Variants in ATP2C2 observed in about 807,000 individuals in gnomAD.
ATP2C2 encodes calcium-transporting ATPase type 2C member 2.
ATP2C2 carries 171 observed loss-of-function variants against 110.8 expected under a neutral mutation model. The ratio of observed to expected loss-of-function variants is 1.54; its 90% CI spans 1.36 to 1.75. ATP2C2 has a LOEUF of 1.75. ATP2C2 is among the 40% of genes most tolerant of loss of function. The probability of loss-of-function intolerance (pLI) is 0.00; values close to 1 mark genes in which losing one functional copy is unlikely to be tolerated. For synonymous variants in ATP2C2, 804 were observed against 508.4 expected, an observed-to-expected ratio of 1.58 and a Z score of -7.82; for missense variants, 1,963 against 1,235.0, an observed-to-expected ratio of 1.59 and a Z score of -8.84.
intron 11 of ATP2C2, among the ~76,000 whole-genome samples, chr16:84,434,748 C>T (rs1039453436): frequency 1.3e-5 from 2 of 151,984 alleles, no homozygotes; most frequent in Non-Finnish European, 2.9e-5. Context: ...AAACCCCTGA[C>T]CTCAAGTGTT....
In ATP2C2 at chr16:84,460,950, G is replaced by A. The variant is rs1245484094; in HGVS notation, c.2481+149G>A. The A allele has an allele frequency of 3.4e-6, 4 of 1,172,244 alleles. No individual in the cohort carries two copies. In the East Asian group the frequency reaches 1.0e-4, roughly 30 times the overall value. 72.6% of individuals were successfully genotyped at this position (1,172,244 alleles called of 1,614,324 possible). ...CAATGTGATGCCATCAGAGGCGTGG[G>A]GTGCATGAGGCAAAGGGACTGGGTG... On this transcript the variant is annotated intron_variant, in intron 24 of 26. Transcript: ENST00000262429.
chr16:84,378,201 C>G (rs962459409), intron 1 of ATP2C2, among the ~76,000 whole-genome samples: 8 of 152,186 alleles, frequency 5.3e-5, no homozygotes, highest in Non-Finnish European at 8.8e-5. Flanking sequence ...CTTCTCAGGA[C>G]GCTCCCTGTC....
rs530120934 is a variant in ATP2C2 at position 84,416,940 on chromosome 16, T to C, written c.624+1349T>C. Among the ~76,000 whole-genome samples the C allele has an allele frequency of 2.7e-3, 403 of 152,070 alleles. 1 individual carries two copies. The highest frequency in any genetic ancestry group is 4.5e-3 in the Non-Finnish European group (309 of 67,996). ...GAAGGGGGGTCCTAACAGGGGATGC[T>C]CCAGATGCCAGGCAGCTTGTGAGAA... On this transcript the variant is annotated intron_variant, in intron 7 of 26. Transcript: ENST00000262429.
chr16:84,381,343 A>C (rs970281974), intron 1 of ATP2C2, among the ~76,000 whole-genome samples: 15 of 152,266 alleles, frequency 9.9e-5, no homozygotes, highest in East Asian at 3.9e-4. Context: ...CTGGATGTAT[A>C]CGTGCAAGTC....
chr16:84,449,767 G>A (rs186702814), intron 17 of ATP2C2, among the ~76,000 whole-genome samples: 1 of 152,330 alleles, frequency 6.6e-6, no homozygotes, highest in Non-Finnish European at 1.5e-5. Context: ...TTTTGTCATG[G>A]TTGATACGAC....
chr16:84,382,033 C>T (rs1409364037), intron 1 of ATP2C2, among the ~76,000 whole-genome samples: 1 of 152,136 alleles, frequency 6.6e-6, no homozygotes, highest in Non-Finnish European at 1.5e-5. Flanking sequence ...ATGTGCAGAA[C>T]GTACAGGTTT....
chr16:84,384,487 T>A (rs1451190880), intron 1 of ATP2C2, among the ~76,000 whole-genome samples: 1 of 152,216 alleles, frequency 6.6e-6, no homozygotes, highest in Non-Finnish European at 1.5e-5. Flanking sequence ...GTTTGTCTCG[T>A]TACTGGTGGG....
At chr16:84,452,650 C>G (rs922884743) in intron 18 of ATP2C2, among the ~76,000 whole-genome samples, 2 of 152,046 alleles carry the variant, frequency 1.3e-5, no homozygotes, top group African/African-American at 2.4e-5. Flanking sequence ...AGGCACCCAC[C>G]ACCGCGCCCA....
Position 84,378,395 on chromosome 16 carries a change from G to T in ATP2C2, c.99+9681G>T, listed in dbSNP as rs143756604. On this transcript the variant is annotated intron_variant, in intron 1 of 26. Transcript: ENST00000262429. ...CATGTGTCCTGGTGTGAAAGTGGAGGTGTTGGGTGCAAGAATGGAGGGCAG... is the reference window on the plus strand; with the variant it reads ...CATGTGTCCTGGTGTGAAAGTGGAGTTGTTGGGTGCAAGAATGGAGGGCAG... 3.3e-3 allele frequency among the ~76,000 whole-genome samples: 508 copies of T among 152,268 alleles called. 2 individuals are homozygous for T. Among genetic ancestry groups the T allele is most frequent in the Non-Finnish European group, 5.2e-3 (355 of 68,024 alleles).
At chr16:84,425,696 G>C (rs1567715188) in intron 10 of ATP2C2, 39 bp from the exon 11 acceptor site, 2 of 1,600,922 alleles carry the variant, frequency 1.2e-6, no homozygotes, top group Non-Finnish European at 8.6e-7. Flanking sequence ...AGCGTGTGTA[G>C]TGCATATGGA....
chr16:84,412,326 G>A (rs943069220), intron 6 of ATP2C2, among the ~76,000 whole-genome samples: 3 of 36,684 alleles, frequency 8.2e-5, no homozygotes, highest in South Asian at 5.2e-4. Context: ...GTGTGTGTGC[G>A]TGTGTGTCTG....
At chr16:84,368,746 G>T in intron 1 of ATP2C2, 32 bp downstream of exon 1, 1 of 1,466,354 alleles carries the variant, frequency 6.8e-7, no homozygotes, top group South Asian at 1.3e-5. Flanking sequence ...CCGGGCGTGC[G>T]ACCCGACCCC....
intron 14 of ATP2C2, among the ~76,000 whole-genome samples, chr16:84,441,776 G>T (rs756162204): frequency 6.6e-6 from 1 of 152,136 alleles, no homozygotes; most frequent in African/African-American, 2.4e-5. Context: ...ATAAAAATTA[G>T]CTGGGCATGG....
chr16:84,422,536 C>T lies in ATP2C2; in HGVS notation c.771C>T (p.Gly257=), dbSNP rs769165218. The change falls in exon 8 of 27, where the codon GGC becomes GGT. Residue 257 remains glycine (G), a synonymous_variant. Coordinates refer to ENST00000262429, the MANE Select transcript of ATP2C2 (RefSeq NM_014861.4). ...GGACCCTGGTGCAGTATGGGAGGGGCCAGGTAAGCCCTGGGACACCGAGGC... is the reference window on the plus strand; with the variant it reads ...GGACCCTGGTGCAGTATGGGAGGGGTCAGGTAAGCCCTGGGACACCGAGGC... ...FMGTLVQYGR[G]QGVVIGTGES... is the part of the protein sequence containing the mutation. 5 of 1,613,538 alleles carry T rather than the reference C, an allele frequency of 3.1e-6. No homozygotes were observed. The South Asian group carries it at 3.3e-5, about 11-fold the overall frequency.
intron 10 of ATP2C2, 87 bp downstream of exon 10, chr16:84,423,350 T>C (rs1048473511): frequency 8.0e-7 from 1 of 1,253,408 alleles, no homozygotes; most frequent in African/African-American, 1.5e-5. Flanking sequence ...TTCTCAAATA[T>C]CTTGCTACTC....
intron 26 of ATP2C2, 114 bp from the exon 27 acceptor site, chr16:84,463,500 G>A: frequency 1.2e-6 from 1 of 853,192 alleles, no homozygotes; most frequent in Non-Finnish European, 2.0e-6. Flanking sequence ...GAATGAAAAG[G>A]GCTGGTCCTC....
Position 84,439,278 on chromosome 16 carries a change from G to T in ATP2C2, c.1099G>T (p.Val367Leu). Residue 367 changes from valine to leucine, a missense_variant, in exon 12 of 27, where the codon GTG becomes TTG. By Grantham distance (32) the Val-to-Leu change is conservative. Transcript: ENST00000262429. ...GGTCATCGTGAAGAAGTTACCCATC[G>T]TGGAGACTTTAGGTGAGGGACTCCA... is the stretch of plus-strand genomic sequence containing the variant. ...KRVIVKKLPI[V>L]ETLGCCSVLC... The T allele has an allele frequency of 6.2e-7, 1 of 1,612,924 alleles. No individual in the cohort carries two copies. Among genetic ancestry groups the T allele is most frequent in the Non-Finnish European group, 8.5e-7 (1 of 1,180,026 alleles).
intron 3 of ATP2C2, among the ~76,000 whole-genome samples, chr16:84,407,011 T>TGTCG (rs1197289338): frequency 6.6e-6 from 1 of 152,196 alleles, no homozygotes; most frequent in East Asian, 1.9e-4. Flanking sequence ...TCTTATAGCT[T>TGTCG]GTCGGTTCAG....
chr16:84,422,366 A>C, intron 7 of ATP2C2, 24 bp from the exon 8 acceptor site: 1 of 1,605,546 alleles, frequency 6.2e-7, no homozygotes, highest in African/African-American at 1.3e-5. Flanking sequence ...GAGATTCCAC[A>C]GCCTTTTCCC....
Sources: gnomAD v4.1 joint callset for allele counts (sites outside exome capture counted in the v4.1 genomes callset) on GRCh38, gnomAD v4.1.1 for gene constraint, MANE v1.5 for transcripts, NCBI Gene and HGNC (gene_info 2026-07-23, HGNC 2026-07-21) for gene names.